The following IL10RB variants were observed in gnomAD, a reference collection of about 807,000 sequenced individuals.
IL10RB encodes the protein interleukin 10 receptor subunit beta, also known as interleukin-10 receptor subunit beta.
IL10RB carries 30 observed loss-of-function variants against 38.7 expected under a neutral mutation model. The observed-to-expected ratio is 0.78, with a 90% CI of 0.58 to 1.05. The LOEUF is 1.05. Ranked by LOEUF, IL10RB falls within the 50% of genes least tolerant of loss-of-function variation. The probability of loss-of-function intolerance (pLI) is 0.00; values close to 1 mark genes in which losing one functional copy is unlikely to be tolerated. For synonymous variants in IL10RB, 142 were observed against 145.9 expected (o/e 0.97, Z 0.19); for missense variants, 328 against 397.1 (o/e 0.83, Z 1.48).
intron 2 of IL10RB, among the ~76,000 whole-genome samples, chr21:33,272,535 C>T (rs185460040): frequency 6.6e-6 from 1 of 152,328 alleles, no homozygotes; most frequent in African/African-American, 2.4e-5. Flanking sequence ...CAGCCTCCAC[C>T]TCCCAGGCTC....
rs760661835 is a variant in IL10RB, at chr21:33,268,437, T to C, written c.93T>C (p.Ser31=). The change falls in exon 2 of 7, where the codon TCT becomes TCC. Residue 31 remains serine, a synonymous_variant. Transcript: ENST00000290200. ...CTCCCGAAAATGTCAGAATGAATTC[T>C]GTTAATTTCAAGAACATTCTACAGT... ...VPPPENVRMN[S]VNFKNILQWE... 1.2e-6 allele frequency: 2 copies of C among 1,614,162 alleles called. No homozygotes were observed. The highest frequency in any genetic ancestry group is 2.2e-5 in the South Asian group (2 of 91,088).
intron 1 of IL10RB, 114 bp from the exon 2 acceptor site, chr21:33,268,280 G>C: frequency 6.4e-7 from 1 of 1,572,910 alleles, no homozygotes. Flanking sequence ...CCTCACCCAC[G>C]TGGCCTTTGA....
intron 1 of IL10RB, chr21:33,308,160 T>C (rs976223000): frequency 3.3e-5 from 5 of 152,248 alleles, no homozygotes; most frequent in African/African-American, 1.2e-4. Flanking sequence ...TCTCAGCTGA[T>C]GGCTTCCTTT....
chr21:33,287,647 G>A (rs1568909398), intron 5 of IL10RB, among the ~76,000 whole-genome samples: 1 of 151,804 alleles, frequency 6.6e-6, no homozygotes, highest in Admixed American at 6.6e-5. Flanking sequence ...GGTTACAGGT[G>A]TGAGCCACCA....
chr21:33,269,082 A>G (rs1260724759), intron 2 of IL10RB, among the ~76,000 whole-genome samples: 1 of 152,186 alleles, frequency 6.6e-6, no homozygotes, highest in East Asian at 1.9e-4. Flanking sequence ...CCGTGGTTCC[A>G]TCCTGAAATT....
At chr21:33,285,214 T>C (rs919338723) in intron 5 of IL10RB, among the ~76,000 whole-genome samples, 1 of 152,176 alleles carries the variant, frequency 6.6e-6, no homozygotes, top group African/African-American at 2.4e-5. Flanking sequence ...TATTTCTTTA[T>C]AGCAGTGCAA....
chr21:33,307,315 A>T (rs537319426), intron 1 of IL10RB, among the ~76,000 whole-genome samples: 1 of 152,294 alleles, frequency 6.6e-6, no homozygotes, highest in African/African-American at 2.4e-5. Context: ...TAATACTATC[A>T]CACCAAGTAC....
chr21:33,307,054 G>T (rs2083000600), intron 1 of IL10RB, among the ~76,000 whole-genome samples: 1 of 152,074 alleles, frequency 6.6e-6, no homozygotes, highest in Non-Finnish European at 1.5e-5. Context: ...CTTGCCAGAG[G>T]CTGCAGGCCC....
downstream of IL10RB, among the ~76,000 whole-genome samples, chr21:33,298,395 C>T (rs560766484): frequency 9.2e-5 from 14 of 152,188 alleles, no homozygotes; most frequent in South Asian, 2.9e-3. Flanking sequence ...AGGTGGATCA[C>T]CTGAGGTCAG....
intron 1 of IL10RB, chr21:33,267,882 T>C: frequency 4.9e-6 from 1 of 205,974 alleles, no homozygotes; most frequent in South Asian, 8.1e-5. Context: ...CTCTTCTTGG[T>C]GTGACCTCTG....
At chr21:33,305,626 C>T (rs1456180354) in intron 1 of IL10RB, among the ~76,000 whole-genome samples, 1 of 152,112 alleles carries the variant, frequency 6.6e-6, no homozygotes, top group Non-Finnish European at 1.5e-5. Context: ...GTGGGAAGCT[C>T]ACTAGCTCTA....
At chr21:33,277,861 C>T (rs1285710448) in intron 3 of IL10RB, among the ~76,000 whole-genome samples, 10 of 149,648 alleles carry the variant, frequency 6.7e-5, no homozygotes, top group South Asian at 2.1e-4. Context: ...TTAGTAGAGA[C>T]GGGGTCTCAC....
intron 1 of IL10RB, among the ~76,000 whole-genome samples, chr21:33,307,281 C>T (rs530207956): frequency 6.6e-6 from 1 of 152,312 alleles, no homozygotes; most frequent in South Asian, 2.1e-4. Context: ...CGCTACAAAT[C>T]CTGCCTTGAG....
intron 4 of IL10RB, among the ~76,000 whole-genome samples, chr21:33,281,019 C>G (rs550987640): frequency 2.0e-5 from 3 of 152,168 alleles, no homozygotes; most frequent in Non-Finnish European, 4.4e-5. Context: ...AGTCCAAGAT[C>G]AAGGCACCAG....
intron 5 of IL10RB, among the ~76,000 whole-genome samples, chr21:33,285,462 A>G (rs968806117): frequency 5.9e-5 from 9 of 152,142 alleles, no homozygotes; most frequent in African/African-American, 2.2e-4. Flanking sequence ...CTTTACACGG[A>G]GGATGTAGAT....
At chr21:33,268,298 G>C in intron 1 of IL10RB, 96 bp from the exon 2 acceptor site, 1 of 1,590,912 alleles carries the variant, frequency 6.3e-7, no homozygotes, top group Non-Finnish European at 8.6e-7. Flanking sequence ...TGAAGACATG[G>C]AGCCATAGAG....
At chr21:33,285,749 C>T (rs1447353487) in intron 5 of IL10RB, among the ~76,000 whole-genome samples, 2 of 152,100 alleles carry the variant, frequency 1.3e-5, no homozygotes, top group Non-Finnish European at 1.5e-5. Context: ...AGAGAACTAC[C>T]GAAATATTAA....
Position 33,268,646 on chromosome 21 carries a change from C to A in IL10RB, c.173+129C>A, listed in dbSNP as rs1315718785. On this transcript the variant is annotated intron_variant, in intron 2 of 6. Transcript: ENST00000290200. Reference sequence around the variant, plus strand: ...TGTGACTGTGACAACCCTCAGGGAGCCTCCCTGCCAGCCTTTTGCTGTCTG... The same window carrying A: ...TGTGACTGTGACAACCCTCAGGGAGACTCCCTGCCAGCCTTTTGCTGTCTG... The A allele has an allele frequency of 1.3e-5, 10 of 758,688 alleles. No homozygotes were observed. The East Asian group carries it at 1.5e-4, about 11-fold the overall frequency. 47.0% of individuals were successfully genotyped at this position (758,688 alleles called of 1,614,324 possible). A position where few individuals can be genotyped will look rare whatever the true frequency, so the allele number is the denominator to read the frequency against.
chr21:33,280,336 T>G (rs1308045646), intron 4 of IL10RB, among the ~76,000 whole-genome samples: 1 of 152,168 alleles, frequency 6.6e-6, no homozygotes, highest in East Asian at 1.9e-4. Context: ...GACAATTTCT[T>G]TAAAAACATG....
Sources: gnomAD v4.1 joint callset for allele counts (sites outside exome capture counted in the v4.1 genomes callset) on GRCh38, gnomAD v4.1.1 for gene constraint, MANE v1.5 for transcripts, NCBI Gene and HGNC (gene_info 2026-07-23, HGNC 2026-07-21) for gene names.